Variants in PPP2R3B observed in about 807,000 individuals in gnomAD.
The protein encoded by PPP2R3B is protein phosphatase 2 regulatory subunit B''beta, also known as serine/threonine-protein phosphatase 2A regulatory subunit B'' subunit beta.
A neutral mutation model predicts 72.9 loss-of-function variants in PPP2R3B; 68 were observed. The ratio of observed to expected loss-of-function variants is 0.93; its 90% CI spans 0.77 to 1.14. The LOEUF is 1.14. PPP2R3B is among the 50% of genes most tolerant of loss of function. PPP2R3B has a pLI of 0.00. For synonymous variants in PPP2R3B, 466 were observed against 375.8 expected (o/e 1.24, Z -2.78); for missense variants, 1,018 against 842.0 (o/e 1.21, Z -2.59).
chrX:362,874 T>C (rs1374350956), intron 1 of PPP2R3B, among the ~76,000 whole-genome samples: 1 of 133,804 alleles, frequency 7.5e-6, no homozygotes, highest in Non-Finnish European at 1.6e-5. Flanking sequence ...TGCCACAGTA[T>C]CCTCACCGCA....
At chrX:361,676 G>A in intron 1 of PPP2R3B, 86 bp from the exon 2 acceptor site, 1 of 1,516,722 alleles carries the variant, frequency 6.6e-7, no homozygotes, top group Non-Finnish European at 9.0e-7. Flanking sequence ...GCCTCTCTAG[G>A]GCCGACAGTG....
intron 2 of PPP2R3B, among the ~76,000 whole-genome samples, chrX:352,253 G>T (rs1275923150): frequency 1.3e-5 from 2 of 152,162 alleles, no homozygotes; most frequent in African/African-American, 4.8e-5. Flanking sequence ...AAGTCTTTTC[G>T]TGATCGACAC....
chrX:359,224 C>T (rs2071496205), intron 2 of PPP2R3B, among the ~76,000 whole-genome samples: 1 of 152,216 alleles, frequency 6.6e-6, no homozygotes, highest in African/African-American at 2.4e-5. Flanking sequence ...ATGAAGGTGT[C>T]CCAGCAGACG....
chrX:376,829 G>C (rs2072008404), intron 1 of PPP2R3B, among the ~76,000 whole-genome samples: 1 of 123,466 alleles, frequency 8.1e-6, no homozygotes, highest in South Asian at 2.5e-4. Flanking sequence ...TACAGGGACG[G>C]GCCGTCCACA....
intron 12 of PPP2R3B, chrX:335,795 C>T (rs1437512346): frequency 1.3e-5 from 2 of 152,220 alleles, no homozygotes; most frequent in African/African-American, 4.8e-5. Context: ...ATTCTGCAGA[C>T]ATCAGAGTCA....
chrX:385,004 A>AAAG (rs1215008528), intron 1 of PPP2R3B, among the ~76,000 whole-genome samples: 104 of 151,320 alleles, frequency 6.9e-4, no homozygotes, highest in Middle Eastern at 3.5e-3. Flanking sequence ...AAAAAAAAAA[A>AAAG]AACTGATTGC....
chrX:351,509 A>C (rs2071332313), intron 2 of PPP2R3B, among the ~76,000 whole-genome samples: 1 of 152,166 alleles, frequency 6.6e-6, no homozygotes. Context: ...TGCAGGCTGG[A>C]GTGCAGTGTG....
intron 2 of PPP2R3B, among the ~76,000 whole-genome samples, chrX:351,774 T>G (rs1362437485): frequency 1.3e-5 from 2 of 152,216 alleles, no homozygotes; most frequent in Non-Finnish European, 2.9e-5. Flanking sequence ...CACAGCTCAG[T>G]GCAGTCTCAA....
intron 2 of PPP2R3B, chrX:347,902 C>T (rs1266592124): frequency 1.8e-5 from 10 of 546,070 alleles, no homozygotes; most frequent in South Asian, 2.6e-5. Flanking sequence ...GTGGGAGTGC[C>T]GGGCACGCAG....
intron 11 of PPP2R3B, 25 bp from the exon 12 acceptor site, chrX:338,735 A>T: frequency 6.8e-6 from 11 of 1,611,722 alleles, no homozygotes; most frequent in Non-Finnish European, 9.3e-6. Flanking sequence ...CGGGTTACGT[A>T]CACGGCGTGG....
At chrX:359,065 G>A (rs181631668) in intron 2 of PPP2R3B, among the ~76,000 whole-genome samples, 4,027 of 152,310 alleles carry the variant, frequency 0.026, 186 homozygotes, top group African/African-American at 0.092. Flanking sequence ...GGCTGCGCGA[G>A]CGGCTTTGTA....
At chrX:346,944 T>C (rs1290758289) in intron 4 of PPP2R3B, 169 bp from the exon 5 acceptor site, 1 of 233,632 alleles carries the variant, frequency 4.3e-6, no homozygotes, top group Non-Finnish European at 6.7e-6. Context: ...GGCCCTCCCG[T>C]GAGGGATGAG....
At chrX:336,776 A>G (rs1172606474) in intron 12 of PPP2R3B, 1 of 152,230 alleles carries the variant, frequency 6.6e-6, no homozygotes, top group Non-Finnish European at 1.5e-5. Context: ...CAACAGGAAA[A>G]CATCAGGAAA....
At chrX:347,868 TTCAA>T (rs1330802578) in intron 2 of PPP2R3B, 175 bp from the exon 3 acceptor site, 3 of 578,534 alleles carry the variant, frequency 5.2e-6, no homozygotes, top group African/African-American at 1.9e-5. Flanking sequence ...CGCTCCAGCC[TTCAA>T]TCAGTCATGA....
At chrX:347,499 G>A in intron 3 of PPP2R3B, 91 bp downstream of exon 3, 3 of 1,420,184 alleles carry the variant, frequency 2.1e-6, no homozygotes, top group Non-Finnish European at 2.9e-6. Context: ...TCTCACTGCG[G>A]CAGCCTCAGG....
intron 2 of PPP2R3B, among the ~76,000 whole-genome samples, chrX:352,321 G>A (rs1054403908): frequency 6.6e-6 from 1 of 152,252 alleles, no homozygotes; most frequent in Non-Finnish European, 1.5e-5. Flanking sequence ...CACCCGCACG[G>A]CCAGGACAGG....
chrX:359,134 C>T (rs1318467524), intron 2 of PPP2R3B, among the ~76,000 whole-genome samples: 2 of 152,342 alleles, frequency 1.3e-5, no homozygotes, highest in East Asian at 3.9e-4. Flanking sequence ...CAGCCCGAGG[C>T]GCGCAGAGAC....
chrX:341,495 C>CCCT (rs996069149), intron 8 of PPP2R3B, 99 bp from the exon 9 acceptor site: 34 of 1,300,186 alleles, frequency 2.6e-5, no homozygotes, highest in Middle Eastern at 1.9e-4. Context: ...GGGAGCCCCC[C>CCCT]GGGCCCGGCC....
At chrX:363,623 C>G (rs1233539064) in intron 1 of PPP2R3B, among the ~76,000 whole-genome samples, 1 of 109,262 alleles carries the variant, frequency 9.2e-6, no homozygotes, top group Admixed American at 9.5e-5. Flanking sequence ...AATGCATCTC[C>G]CCGAGCCCAC....
Sources: gnomAD v4.1 joint callset for allele counts (sites outside exome capture counted in the v4.1 genomes callset) on GRCh38, gnomAD v4.1.1 for gene constraint, MANE v1.5 for transcripts, NCBI Gene and HGNC (gene_info 2026-07-23, HGNC 2026-07-21) for gene names.